The following IL1RAPL1 variants were observed in gnomAD, a reference collection of about 807,000 sequenced individuals.
IL1RAPL1 encodes the protein interleukin 1 receptor accessory protein like 1, also known as interleukin-1 receptor accessory protein-like 1.
In IL1RAPL1, 3 loss-of-function variants were observed where a neutral mutation model predicts 48.4. The ratio of observed to expected loss-of-function variants is 0.06; its 90% CI spans 0.03 to 0.16. IL1RAPL1 has a LOEUF of 0.16. Among genes scored for constraint, IL1RAPL1 ranks in the 10% least tolerant of loss-of-function variants. IL1RAPL1 has a pLI of 1.00. For synonymous variants in IL1RAPL1, 185 were observed against 187.7 expected (o/e 0.99, Z 0.12); for missense variants, 349 against 530.6 (o/e 0.66, Z 3.36).
At chrX:29,169,398 C>T (rs570199373) in intron 2 of IL1RAPL1, among the ~76,000 whole-genome samples, 2 of 110,365 alleles carry the variant, frequency 1.8e-5, no homozygotes, top group African/African-American at 6.5e-5. Flanking sequence ...AAAGTGTCAT[C>T]TATTATGATA....
At chrX:29,449,409 G>A (rs1224614570) in intron 5 of IL1RAPL1, among the ~76,000 whole-genome samples, 1 of 110,664 alleles carries the variant, frequency 9.0e-6, no homozygotes, top group Non-Finnish European at 1.9e-5. Flanking sequence ...GGGAGAGAGA[G>A]CATAAGCAAT....
intron 3 of IL1RAPL1, among the ~76,000 whole-genome samples, chrX:29,388,321 C>G (rs1170439466): frequency 9.4e-6 from 1 of 106,368 alleles, no homozygotes; most frequent in Non-Finnish European, 1.9e-5. Context: ...TCAACAGAAA[C>G]TGAAATGTTC....
chrX:29,090,535 A>G (rs2147455832), intron 2 of IL1RAPL1, among the ~76,000 whole-genome samples: 1 of 112,195 alleles, frequency 8.9e-6, no homozygotes, highest in Admixed American at 9.5e-5. Flanking sequence ...TGGTTTTATT[A>G]AAGAAGAAAT....
At chrX:28,992,285 T>G (rs1197350999) in intron 2 of IL1RAPL1, among the ~76,000 whole-genome samples, 1 of 108,477 alleles carries the variant, frequency 9.2e-6, no homozygotes, top group African/African-American at 3.4e-5. Flanking sequence ...AAGTCAGGAG[T>G]TTGAGACCAG....
chrX:29,246,884 G>A (rs950869522), intron 2 of IL1RAPL1, among the ~76,000 whole-genome samples: 2 of 111,112 alleles, frequency 1.8e-5, no homozygotes, highest in African/African-American at 6.6e-5. Context: ...GTAAGCTGTT[G>A]TGTGTATATT....
At chrX:29,105,035 A>G (rs1041844884) in intron 2 of IL1RAPL1, among the ~76,000 whole-genome samples, 8 of 111,732 alleles carry the variant, frequency 7.2e-5, no homozygotes, top group Non-Finnish European at 1.3e-4. Context: ...TGGTTTTCCT[A>G]TGAAAAGATT....
At chrX:29,743,063 T>G (rs1928245594) in intron 6 of IL1RAPL1, among the ~76,000 whole-genome samples, 1 of 109,771 alleles carries the variant, frequency 9.1e-6, no homozygotes, top group African/African-American at 3.3e-5. Flanking sequence ...ATATGGCATA[T>G]ATAAGTAATA....
At chrX:29,512,883 C>T (rs1455759930) in intron 5 of IL1RAPL1, among the ~76,000 whole-genome samples, 1 of 111,937 alleles carries the variant, frequency 8.9e-6, no homozygotes. Flanking sequence ...CTTATGATCT[C>T]TGAATGGTTT....
At chrX:28,980,906 T>A (rs770821759) in intron 2 of IL1RAPL1, among the ~76,000 whole-genome samples, 4 of 106,003 alleles carry the variant, frequency 3.8e-5, no homozygotes, top group South Asian at 4.3e-4. Flanking sequence ...CTGGGCAACA[T>A]AGCAAGATCA....
chrX:29,270,197 A>G (rs1932018928), intron 2 of IL1RAPL1, among the ~76,000 whole-genome samples: 1 of 111,638 alleles, frequency 9.0e-6, no homozygotes, highest in Admixed American at 9.6e-5. Flanking sequence ...TACTCTGAAT[A>G]AGGCTTCTAT....
At chrX:29,829,155 T>TACACACAC (rs57560936) in intron 6 of IL1RAPL1, among the ~76,000 whole-genome samples, 68 of 61,883 alleles carry the variant, frequency 1.1e-3, no homozygotes, top group South Asian at 3.8e-3. Context: ...GACAAAAACC[T>TACACACAC]ACACACACAC....
chrX:29,865,803 A>AT (rs1161090848), intron 6 of IL1RAPL1, among the ~76,000 whole-genome samples: 6,332 of 86,242 alleles, frequency 0.073, 511 homozygotes, highest in East Asian at 0.29. Context: ...CGCCTGGCTA[A>AT]TTTTTTTTTT....
At chrX:29,091,399 A>G (rs552866895) in intron 2 of IL1RAPL1, among the ~76,000 whole-genome samples, 1 of 111,684 alleles carries the variant, frequency 9.0e-6, no homozygotes, top group Admixed American at 9.6e-5. Context: ...GCTAATCCCA[A>G]CTGTTACTGT....
chrX:29,775,376 G>C (rs1466383136), intron 6 of IL1RAPL1, among the ~76,000 whole-genome samples: 1 of 111,696 alleles, frequency 9.0e-6, no homozygotes, highest in Non-Finnish European at 1.9e-5. Flanking sequence ...GCCTGGGGTT[G>C]AAGTAGTTAC....
chrX:29,783,499 G>T (rs148786921), intron 6 of IL1RAPL1, among the ~76,000 whole-genome samples: 2,247 of 111,599 alleles, frequency 0.02, 55 homozygotes, highest in African/African-American at 0.07. Flanking sequence ...GAAACTTTCC[G>T]GATTGGATGT....
intron 6 of IL1RAPL1, among the ~76,000 whole-genome samples, chrX:29,766,391 TTA>T (rs1219172678): frequency 1.1e-5 from 1 of 95,163 alleles, no homozygotes; most frequent in Non-Finnish European, 2.0e-5. Flanking sequence ...ATAGATATTT[TTA>T]TATATATATC....
chrX:29,677,338 A>C (rs971834339), intron 6 of IL1RAPL1, among the ~76,000 whole-genome samples: 2 of 112,023 alleles, frequency 1.8e-5, no homozygotes, highest in East Asian at 5.6e-4. Flanking sequence ...GGTAAATTGA[A>C]TCATCATCAT....
rs1286891968 is a variant in IL1RAPL1, at chrX:29,698,021, T to TC, written c.778+29519dup. 2.7e-5 allele frequency among the ~76,000 whole-genome samples: 3 copies of TC among 111,005 alleles called. No homozygotes were observed. In the South Asian group the frequency reaches 1.1e-3, roughly 42 times the overall value. ...CAAATTCTAAACACGAAACATAAGGTCCAGTGTGACTTGCCCTCTCCTCCC... is the reference window on the plus strand; with the variant it reads ...CAAATTCTAAACACGAAACATAAGGTCCCAGTGTGACTTGCCCTCTCCTCCC... On this transcript the variant is annotated intron_variant, in intron 6 of 10. Coordinates refer to ENST00000378993, the MANE Select transcript of IL1RAPL1 (RefSeq NM_014271.4).
chrX:29,858,942 C>T (rs1304127654), intron 6 of IL1RAPL1, among the ~76,000 whole-genome samples: 1 of 110,874 alleles, frequency 9.0e-6, no homozygotes, highest in Non-Finnish European at 1.9e-5. Flanking sequence ...ATCATATTAC[C>T]TCCTCTGCAG....
Sources: gnomAD v4.1 joint callset for allele counts (sites outside exome capture counted in the v4.1 genomes callset) on GRCh38, gnomAD v4.1.1 for gene constraint, MANE v1.5 for transcripts, NCBI Gene and HGNC (gene_info 2026-07-23, HGNC 2026-07-21) for gene names.